Variants in ATRNL1 observed in about 807,000 individuals in gnomAD.
The protein encoded by ATRNL1 is attractin like 1, also known as attractin-like protein 1.
ATRNL1 carries 95 observed loss-of-function variants against 182.7 expected under a neutral mutation model. The ratio of observed to expected loss-of-function variants is 0.52; its 90% CI spans 0.44 to 0.62. The LOEUF is 0.62. Among genes scored for constraint, ATRNL1 ranks in the 20% least tolerant of loss-of-function variants. ATRNL1 has a pLI of 0.00. For synonymous variants in ATRNL1, 576 were observed against 568.3 expected (o/e 1.01, Z -0.19); for missense variants, 1,471 against 1,679.5 (o/e 0.88, Z 2.17).
At chr10:115,752,892 A>G (rs1948486693) in intron 27 of ATRNL1, among the ~76,000 whole-genome samples, 1 of 152,056 alleles carries the variant, frequency 6.6e-6, no homozygotes, top group Non-Finnish European at 1.5e-5. Flanking sequence ...GAAACAAAGT[A>G]TTGCCAACAC....
chr10:115,127,102 A>C (rs1845007024), intron 3 of ATRNL1, among the ~76,000 whole-genome samples: 1 of 152,304 alleles, frequency 6.6e-6, no homozygotes, highest in East Asian at 1.9e-4. Flanking sequence ...TAAATCACCT[A>C]GATAAATGTA....
At position 115,628,146 on chromosome 10, in the gene ATRNL1, CA is replaced by C. The variant is rs34729273; in HGVS notation, c.3795+78624del. On this transcript the variant is annotated intron_variant, in intron 26 of 28. Transcript: ENST00000355044. The stretch of plus-strand genomic sequence containing the variant: ...TGGGCAACAGAGCAAGACTCTGTCT[CA>C]AAAAAAAAAAAAAGAAAGAAAAAAA... Among the ~76,000 whole-genome samples, 884 of 108,962 alleles carry C rather than the reference CA, an allele frequency of 8.1e-3. 3 individuals carry two copies. Among genetic ancestry groups the C allele is most frequent in the African/African-American group, 0.025 (664 of 26,822 alleles). 71.5% of individuals were successfully genotyped at this position (108,962 alleles called of 152,430 possible). A position where few individuals can be genotyped will look rare whatever the true frequency, so the allele number is the denominator to read the frequency against.
chr10:115,598,237 A>G (rs1184186708), intron 26 of ATRNL1, among the ~76,000 whole-genome samples: 1 of 151,292 alleles, frequency 6.6e-6, no homozygotes, highest in African/African-American at 2.4e-5. Flanking sequence ...GTGTGAGCAT[A>G]TAACTATAGA....
intron 18 of ATRNL1, among the ~76,000 whole-genome samples, chr10:115,321,777 A>T (rs1854598016): frequency 6.6e-6 from 1 of 152,028 alleles, no homozygotes; most frequent in Non-Finnish European, 1.5e-5. Context: ...CAATTAGGCA[A>T]AAGCAAGAAA....
At chr10:115,147,801 T>C (rs1335400713) in intron 5 of ATRNL1, among the ~76,000 whole-genome samples, 1 of 152,144 alleles carries the variant, frequency 6.6e-6, no homozygotes, top group East Asian at 1.9e-4. Flanking sequence ...TCTTTCACTA[T>C]TATGTTTCAT....
At chr10:115,802,445 G>A (rs1949820570) in intron 27 of ATRNL1, among the ~76,000 whole-genome samples, 2 of 151,472 alleles carry the variant, frequency 1.3e-5, no homozygotes, top group East Asian at 3.9e-4. Context: ...GCACAGAAGT[G>A]GAAAAAAAGA....
chr10:115,146,864 C>G (rs1019195334), intron 5 of ATRNL1, among the ~76,000 whole-genome samples: 1 of 150,298 alleles, frequency 6.7e-6, no homozygotes. Context: ...TTTCATTATC[C>G]TTTTGTCTGT....
At chr10:115,849,848 C>A (rs1555099995) in intron 28 of ATRNL1, among the ~76,000 whole-genome samples, 1 of 152,076 alleles carries the variant, frequency 6.6e-6, no homozygotes, top group Non-Finnish European at 1.5e-5. Flanking sequence ...TGATTTGTAG[C>A]AGAAAGCCTC....
rs375430120 is a variant in ATRNL1 at position 115,299,611 on chromosome 10, C to G, written c.2416-423C>G. Among the ~76,000 whole-genome samples the G allele has an allele frequency of 6.8e-4, 103 of 152,162 alleles. 2 individuals are homozygous for G. In the South Asian group the frequency reaches 0.021, roughly 31 times the overall value. The stretch of plus-strand genomic sequence containing the variant: ...GATTTTATTTTCTAGTTTCACAATG[C>G]AGATAATGGCAATTTATCTTTAGAG... On this transcript the variant is annotated intron_variant, in intron 15 of 28. Transcript: ENST00000355044.
At chr10:115,747,776 T>G (rs576439730) in intron 27 of ATRNL1, among the ~76,000 whole-genome samples, 1 of 152,188 alleles carries the variant, frequency 6.6e-6, no homozygotes, top group South Asian at 2.1e-4. Context: ...AATTTATTTC[T>G]TACAATTTCA....
At chr10:115,734,569 T>C (rs1410468251) in intron 27 of ATRNL1, among the ~76,000 whole-genome samples, 2 of 152,124 alleles carry the variant, frequency 1.3e-5, no homozygotes, top group Non-Finnish European at 2.9e-5. Context: ...AACTTAGAAA[T>C]GATAGCTCAT....
chr10:115,513,679 A>G (rs2133683157), intron 24 of ATRNL1, among the ~76,000 whole-genome samples: 1 of 151,978 alleles, frequency 6.6e-6, no homozygotes, highest in African/African-American at 2.4e-5. Flanking sequence ...TCTGCCTTCC[A>G]TTTCCATAAT....
chr10:115,799,972 G>C (rs941139516), intron 27 of ATRNL1, among the ~76,000 whole-genome samples: 1 of 152,076 alleles, frequency 6.6e-6, no homozygotes, highest in Non-Finnish European at 1.5e-5. Context: ...TATAATCCCA[G>C]CACTTTGGGA....
chr10:115,173,905 T>G (rs1847391283), intron 8 of ATRNL1, among the ~76,000 whole-genome samples: 2 of 145,752 alleles, frequency 1.4e-5, no homozygotes, highest in Admixed American at 6.9e-5. Context: ...TGATTCCTGT[T>G]TTTTTTTTTG....
At chr10:115,702,128 T>C (rs782129288) in intron 26 of ATRNL1, among the ~76,000 whole-genome samples, 3 of 151,990 alleles carry the variant, frequency 2.0e-5, no homozygotes, top group Non-Finnish European at 4.4e-5. Flanking sequence ...TGCAAATAAA[T>C]AAATGTGATT....
intron 26 of ATRNL1, among the ~76,000 whole-genome samples, chr10:115,583,769 C>T (rs1273534112): frequency 6.0e-5 from 9 of 150,590 alleles, no homozygotes; most frequent in African/African-American, 1.9e-4. Flanking sequence ...TTGCCCTGGC[C>T]AGAACTTCCA....
intron 19 of ATRNL1, among the ~76,000 whole-genome samples, chr10:115,350,464 AG>A (rs1340820736): frequency 1.3e-5 from 2 of 149,970 alleles, no homozygotes; most frequent in African/African-American, 4.9e-5. Flanking sequence ...CTTGAGAGTT[AG>A]GGGGTCTAGT....
intron 26 of ATRNL1, among the ~76,000 whole-genome samples, chr10:115,663,578 A>T (rs1218040553): frequency 1.3e-5 from 2 of 152,020 alleles, no homozygotes. Context: ...TCCAAATTGT[A>T]TGATATACAT....
chr10:115,410,007 G>A (rs1315951689), intron 20 of ATRNL1, among the ~76,000 whole-genome samples: 1 of 151,914 alleles, frequency 6.6e-6, no homozygotes. Context: ...CCTTCATTTT[G>A]TTGATGTGAT....
Sources: gnomAD v4.1 joint callset for allele counts (sites outside exome capture counted in the v4.1 genomes callset) on GRCh38, gnomAD v4.1.1 for gene constraint, MANE v1.5 for transcripts, NCBI Gene and HGNC (gene_info 2026-07-23, HGNC 2026-07-21) for gene names.